Variants in SAMD12 observed in about 807,000 individuals in gnomAD.
SAMD12 encodes sterile alpha motif domain containing 12.
Under a neutral mutation model 15.0 loss-of-function variants are expected in SAMD12, and 9 were observed. The ratio of observed to expected loss-of-function variants is 0.60; its 90% CI spans 0.36 to 1.05. SAMD12 has a LOEUF of 1.05. Among genes scored for constraint, SAMD12 ranks in the 50% least tolerant of loss-of-function variants. SAMD12 has a pLI of 0.01. For missense variants in SAMD12, 230 were observed against 234.2 expected (o/e 0.98, Z 0.12); for synonymous variants, 86 against 90.1 (o/e 0.96, Z 0.25).
intron 4 of SAMD12, among the ~76,000 whole-genome samples, chr8:118,358,610 C>G (rs1280170832): frequency 6.6e-6 from 1 of 152,172 alleles, no homozygotes; most frequent in Non-Finnish European, 1.5e-5. Flanking sequence ...TGAATTTTAA[C>G]ATCCCATAAT....
chr8:118,454,333 CT>C (rs1461430516), intron 2 of SAMD12, among the ~76,000 whole-genome samples: 1 of 152,098 alleles, frequency 6.6e-6, no homozygotes, highest in African/African-American at 2.4e-5. Flanking sequence ...ATTCTCATTC[CT>C]TTTTTGATAT....
chr8:118,585,978 C>T (rs1186868702), intron 1 of SAMD12, among the ~76,000 whole-genome samples: 6 of 152,200 alleles, frequency 3.9e-5, no homozygotes, highest in African/African-American at 1.2e-4. Flanking sequence ...TTCCAATCTC[C>T]ACCCACACCA....
the SAMD12 span, among the ~76,000 whole-genome samples, chr8:118,181,754 T>C: frequency 2.6e-5 from 4 of 152,220 alleles, no homozygotes; most frequent in Admixed American, 2.0e-4. Flanking sequence ...GTAGTTTGAG[T>C]TGGGCTTTAG....
At chr8:118,500,971 G>C (rs1271953378) in intron 2 of SAMD12, among the ~76,000 whole-genome samples, 1 of 152,180 alleles carries the variant, frequency 6.6e-6, no homozygotes, top group Non-Finnish European at 1.5e-5. Flanking sequence ...TACTCACCTC[G>C]TTGTCCAGCA....
intron 2 of SAMD12, among the ~76,000 whole-genome samples, chr8:118,508,363 T>TA (rs2131059042): frequency 1.3e-5 from 2 of 152,260 alleles, no homozygotes; most frequent in African/African-American, 4.8e-5. Flanking sequence ...ACATGTACCC[T>TA]AGAGCTTAAA....
chr8:118,227,068 A>T (rs1332686457), intron 4 of SAMD12, among the ~76,000 whole-genome samples: 1 of 152,192 alleles, frequency 6.6e-6, no homozygotes, highest in African/African-American at 2.4e-5. Flanking sequence ...CATGTATGTG[A>T]ATGTTCACTG....
intron 4 of SAMD12, among the ~76,000 whole-genome samples, chr8:118,340,303 G>A (rs901268330): frequency 6.6e-6 from 1 of 151,746 alleles, no homozygotes; most frequent in African/African-American, 2.4e-5. Flanking sequence ...GTTACCAGGG[G>A]TGACAAATTC....
intron 2 of SAMD12, among the ~76,000 whole-genome samples, chr8:118,575,482 A>G (rs751344813): frequency 6.6e-6 from 1 of 152,204 alleles, no homozygotes; most frequent in Non-Finnish European, 1.5e-5. Flanking sequence ...ATTTCATGTT[A>G]GGAGCATAAA....
the SAMD12 span, among the ~76,000 whole-genome samples, chr8:118,145,016 A>C: frequency 6.6e-6 from 1 of 152,192 alleles, no homozygotes; most frequent in Non-Finnish European, 1.5e-5. Flanking sequence ...ACACACAATA[A>C]TGTGGCAAGT....
intron 2 of SAMD12, among the ~76,000 whole-genome samples, chr8:118,482,041 G>C (rs1824141233): frequency 6.6e-6 from 1 of 152,112 alleles, no homozygotes; most frequent in Admixed American, 6.5e-5. Context: ...GGAAGAGCAG[G>C]GATTCACATC....
chr8:118,236,090 A>G (rs1812422721), intron 4 of SAMD12, among the ~76,000 whole-genome samples: 1 of 152,210 alleles, frequency 6.6e-6, no homozygotes, highest in African/African-American at 2.4e-5. Flanking sequence ...GGAATTCCTC[A>G]ATTAATGAAT....
At chr8:118,560,566 T>A (rs1467105233) in intron 2 of SAMD12, among the ~76,000 whole-genome samples, 2 of 152,186 alleles carry the variant, frequency 1.3e-5, no homozygotes, top group Non-Finnish European at 2.9e-5. Context: ...CATGAAAAAC[T>A]GAAAGCTAAA....
intron 4 of SAMD12, among the ~76,000 whole-genome samples, chr8:118,246,925 G>A (rs1280506695): frequency 1.3e-5 from 2 of 152,148 alleles, no homozygotes; most frequent in African/African-American, 4.8e-5. Context: ...AACGTGCAAT[G>A]CTTTGCTGGC....
chr8:118,403,841 C>T lies in SAMD12; in HGVS notation c.323-24141G>A, dbSNP rs192690160. ...ATTGTCATCCTTGTACAAAAAAGAG[C>T]GATTAACTTGAATCTAGATGGCCAT... is the stretch of plus-strand genomic sequence containing the variant. On this transcript the variant is annotated intron_variant, in intron 3 of 3. Coordinates refer to ENST00000314727, the MANE Select transcript of SAMD12 (RefSeq NM_207506.3). Among the ~76,000 whole-genome samples the T allele has an allele frequency of 2.6e-4, 40 of 152,168 alleles. 1 individual carries two copies. Among genetic ancestry groups the T allele is most frequent in the African/African-American group, 8.4e-4 (35 of 41,526 alleles).
the SAMD12 span, among the ~76,000 whole-genome samples, chr8:118,175,577 TA>T: frequency 1.3e-5 from 2 of 152,018 alleles, no homozygotes; most frequent in Non-Finnish European, 2.9e-5. Context: ...TGGGAGAAAA[TA>T]TTTACAAACT....
intron 2 of SAMD12, among the ~76,000 whole-genome samples, chr8:118,579,796 A>G (rs1827238054): frequency 6.6e-6 from 1 of 152,178 alleles, no homozygotes; most frequent in Non-Finnish European, 1.5e-5. Context: ...GGGAGAAACA[A>G]AACTATATGA....
intron 4 of SAMD12, among the ~76,000 whole-genome samples, chr8:118,315,685 GA>G (rs1324723563): frequency 6.6e-6 from 1 of 151,822 alleles, no homozygotes; most frequent in East Asian, 1.9e-4. Context: ...CAGAAGGTTA[GA>G]AAAAAAAACT....
chr8:118,564,992 T>A (rs1826807383), intron 2 of SAMD12, among the ~76,000 whole-genome samples: 1 of 152,168 alleles, frequency 6.6e-6, no homozygotes, highest in Non-Finnish European at 1.5e-5. Context: ...CCACTTTCTC[T>A]CACAGGCCAC....
At chr8:118,480,859 A>G (rs941270286) in intron 2 of SAMD12, among the ~76,000 whole-genome samples, 2 of 151,616 alleles carry the variant, frequency 1.3e-5, no homozygotes, top group African/African-American at 4.8e-5. Flanking sequence ...CCTCCATACA[A>G]TTCCCTCTAT....
Sources: gnomAD v4.1 joint callset for allele counts (sites outside exome capture counted in the v4.1 genomes callset) on GRCh38, gnomAD v4.1.1 for gene constraint, MANE v1.5 for transcripts, NCBI Gene and HGNC (gene_info 2026-07-23, HGNC 2026-07-21) for gene names.